Variants in CTNNA2 observed in about 807,000 individuals in gnomAD.
CTNNA2 encodes catenin alpha 2.
In CTNNA2, 42 loss-of-function variants were observed where a neutral mutation model predicts 101.0. The ratio of observed to expected loss-of-function variants is 0.42; its 90% CI spans 0.32 to 0.54. The LOEUF is 0.54. Ranked by LOEUF, CTNNA2 falls within the 20% of genes least tolerant of loss-of-function variation. The pLI is 0.14. For synonymous variants in CTNNA2, 450 were observed against 456.4 expected (o/e 0.99, Z 0.18); for missense variants, 871 against 1,223.1 (o/e 0.71, Z 4.29).
intron 7 of CTNNA2, among the ~76,000 whole-genome samples, chr2:80,251,185 A>G (rs1671736698): frequency 6.6e-6 from 1 of 152,058 alleles, no homozygotes; most frequent in Non-Finnish European, 1.5e-5. Flanking sequence ...GCTTATTAGA[A>G]CCCACATCTT....
intron 1 of CTNNA2, among the ~76,000 whole-genome samples, chr2:79,577,130 A>G (rs1000100375): frequency 2.0e-5 from 3 of 152,120 alleles, no homozygotes; most frequent in Non-Finnish European, 4.4e-5. Context: ...TTTAGATAGT[A>G]TTAAGATACT....
At chr2:79,978,241 G>A (rs1336273176) in intron 7 of CTNNA2, among the ~76,000 whole-genome samples, 2 of 152,126 alleles carry the variant, frequency 1.3e-5, no homozygotes, top group African/African-American at 4.8e-5. Context: ...GTCTTGCACG[G>A]ATTACTTGGG....
At chr2:79,747,961 G>T (rs1167032270) in intron 3 of CTNNA2, among the ~76,000 whole-genome samples, 1 of 152,166 alleles carries the variant, frequency 6.6e-6, no homozygotes, top group Non-Finnish European at 1.5e-5. Context: ...ATGGGTAAAA[G>T]CATTTAAAAT....
At chr2:80,629,508 A>ATGAT (rs1450677532) in intron 18 of CTNNA2, among the ~76,000 whole-genome samples, 8 of 152,158 alleles carry the variant, frequency 5.3e-5, no homozygotes, top group Non-Finnish European at 1.5e-5. Context: ...TCGGATACAG[A>ATGAT]TGATTCATGG....
intron 7 of CTNNA2, among the ~76,000 whole-genome samples, chr2:80,284,452 C>T (rs900563860): frequency 6.6e-5 from 10 of 152,226 alleles, no homozygotes; most frequent in African/African-American, 2.4e-4. Flanking sequence ...GAAGTGGTGG[C>T]CTTTTCTCTC....
At chr2:79,585,906 T>C (rs1470084101) in intron 1 of CTNNA2, among the ~76,000 whole-genome samples, 4 of 152,126 alleles carry the variant, frequency 2.6e-5, no homozygotes, top group Non-Finnish European at 5.9e-5. Flanking sequence ...TTAGCACTCA[T>C]TCAGGCTGGT....
At chr2:79,842,477 A>G (rs1422613518) in intron 3 of CTNNA2, among the ~76,000 whole-genome samples, 2 of 152,150 alleles carry the variant, frequency 1.3e-5, no homozygotes, top group African/African-American at 4.8e-5. Flanking sequence ...TACTAGCATC[A>G]TCCGCTTCTA....
At chr2:80,633,206 TTA>T (rs1382865145) in intron 18 of CTNNA2, among the ~76,000 whole-genome samples, 2 of 152,036 alleles carry the variant, frequency 1.3e-5, no homozygotes, top group African/African-American at 4.8e-5. Context: ...CATTAAAAGA[TTA>T]TGTTTTAAAA....
intron 7 of CTNNA2, among the ~76,000 whole-genome samples, chr2:80,072,644 A>G (rs1042822695): frequency 3.3e-4 from 50 of 152,102 alleles, no homozygotes; most frequent in Admixed American, 2.3e-3. Flanking sequence ...CACTATTCCA[A>G]TACCATTCAA....
At position 79,570,179 on chromosome 2, in the gene CTNNA2, T is replaced by C. The variant is rs143635164; in HGVS notation, c.-6+56972T>C. ...TTTCTAAGTTACCCACTGTAATATA[T>C]TATTTCTTGAAAAGCTTTCAGGAAT... On this transcript the variant is annotated intron_variant, in intron 1 of 18. Transcript: ENST00000402739. Among the ~76,000 whole-genome samples the C allele has an allele frequency of 1.4e-4, 21 of 152,278 alleles. No homozygotes were observed. The East Asian group carries it at 4.1e-3, about 29-fold the overall frequency.
At chr2:80,465,888 AT>A (rs1002661548) in intron 9 of CTNNA2, among the ~76,000 whole-genome samples, 13 of 151,978 alleles carry the variant, frequency 8.6e-5, no homozygotes, top group African/African-American at 2.9e-4. Flanking sequence ...GATGGTTTTT[AT>A]TTTTTTCATC....
intron 7 of CTNNA2, among the ~76,000 whole-genome samples, chr2:80,144,810 T>G: frequency 6.6e-6 from 1 of 152,350 alleles, no homozygotes; most frequent in South Asian, 2.1e-4. Context: ...AAAATATTTA[T>G]GGAATACTTA....
Position 80,397,321 on chromosome 2 carries a change from C to T in CTNNA2, c.1137+4030C>T, listed in dbSNP as rs377310791. On this transcript the variant is annotated intron_variant, in intron 8 of 18. Coordinates refer to ENST00000402739, the MANE Select transcript of CTNNA2 (RefSeq NM_001282597.3). ...TCTCCATGTATTGACCACATTTAAT[C>T]CACACACTAGCTCTAAAAGATTGTC... Among the ~76,000 whole-genome samples the T allele has an allele frequency of 3.9e-5, 6 of 152,306 alleles. No homozygotes were observed. In the South Asian group the frequency reaches 1.2e-3, roughly 32 times the overall value.
At position 79,909,758 on chromosome 2, in the gene CTNNA2, G is replaced by T; in HGVS notation, c.1017G>T (p.Arg339=). Reference sequence around the variant, plus strand: ...TCGTGGCGGAGTGCAACGCCGTGCGGCAGGCGCTCCAGGACCTGCTCAGCG... The same window carrying T: ...TCGTGGCGGAGTGCAACGCCGTGCGTCAGGCGCTCCAGGACCTGCTCAGCG... ...ERIVAECNAV[R]QALQDLLSEY... is the part of the protein sequence containing the mutation. Residue 339 remains arginine (R), a synonymous_variant, in exon 7 of 19, where the codon CGG becomes CGT. Transcript: ENST00000402739. 1.2e-6 allele frequency: 2 copies of T among 1,612,870 alleles called. No individual in the cohort carries two copies. Among genetic ancestry groups the T allele is most frequent in the South Asian group, 1.1e-5 (1 of 90,758 alleles).
chr2:80,247,978 G>C (rs374916123), intron 7 of CTNNA2, among the ~76,000 whole-genome samples: 5 of 151,720 alleles, frequency 3.3e-5, no homozygotes, highest in Admixed American at 2.0e-4. Context: ...AATTCTAAAA[G>C]CCTTTAAAAT....
chr2:80,307,770 A>G (rs180890884), intron 7 of CTNNA2, among the ~76,000 whole-genome samples: 52 of 152,348 alleles, frequency 3.4e-4, no homozygotes, highest in Middle Eastern at 3.4e-3. Flanking sequence ...CTATAGCTGC[A>G]AGTCTAGTAC....
At chr2:79,799,534 G>A (rs1441784917) in intron 3 of CTNNA2, among the ~76,000 whole-genome samples, 3 of 152,054 alleles carry the variant, frequency 2.0e-5, no homozygotes, top group Non-Finnish European at 2.9e-5. Context: ...CAAAAATACT[G>A]CAGAAATTTA....
At chr2:80,281,736 TA>T (rs1035067630) in intron 7 of CTNNA2, among the ~76,000 whole-genome samples, 18 of 152,080 alleles carry the variant, frequency 1.2e-4, no homozygotes, top group African/African-American at 4.1e-4. Context: ...AATTATAGTT[TA>T]AAAATTACTA....
intron 7 of CTNNA2, among the ~76,000 whole-genome samples, chr2:80,066,649 A>G (rs1192439549): frequency 6.6e-6 from 1 of 152,238 alleles, no homozygotes; most frequent in Admixed American, 6.5e-5. Context: ...GAATGAAATT[A>G]GTGCAGCCAT....
Sources: gnomAD v4.1 joint callset for allele counts (sites outside exome capture counted in the v4.1 genomes callset) on GRCh38, gnomAD v4.1.1 for gene constraint, MANE v1.5 for transcripts, NCBI Gene and HGNC (gene_info 2026-07-23, HGNC 2026-07-21) for gene names.